LDAH: variants seen among roughly 807,000 people sequenced by gnomAD.
The protein encoded by LDAH is lipid droplet associated hydrolase.
A neutral mutation model predicts 29.6 loss-of-function variants in LDAH; 26 were observed. The observed-to-expected ratio is 0.88, with a 90% CI of 0.64 to 1.22. The LOEUF (loss-of-function observed/expected upper bound fraction) is 1.22, where lower values mean the gene tolerates loss of function less well. Ranked by LOEUF, LDAH falls within the 50% of genes most tolerant of loss-of-function variation. The pLI is 0.00. For missense variants in LDAH, 344 were observed against 387.3 expected (o/e 0.89, Z 0.94); for synonymous variants, 117 against 133.0 (o/e 0.88, Z 0.83).
chr2:20,705,914 T>C (rs2149362054), intron 5 of LDAH, among the ~76,000 whole-genome samples: 1 of 152,350 alleles, frequency 6.6e-6, no homozygotes, highest in Non-Finnish European at 1.5e-5. Context: ...TCTAGAGTAG[T>C]GCTATGCAAT....
At chr2:20,693,795 G>A (rs1038750898) in intron 6 of LDAH, among the ~76,000 whole-genome samples, 2 of 152,226 alleles carry the variant, frequency 1.3e-5, no homozygotes, top group Non-Finnish European at 2.9e-5. Context: ...AATGCCCACC[G>A]CTTTTCTGAG....
chr2:20,754,500 C>CA (rs61076745), intron 4 of LDAH, among the ~76,000 whole-genome samples: 1,242 of 77,414 alleles, frequency 0.016, 31 homozygotes, highest in East Asian at 0.032. Context: ...ACCCTCGCCA[C>CA]AAAAAAAAAA....
At chr2:20,808,778 A>G (rs1672267241) in intron 1 of LDAH, among the ~76,000 whole-genome samples, 1 of 152,208 alleles carries the variant, frequency 6.6e-6, no homozygotes, top group Non-Finnish European at 1.5e-5. Context: ...CATAGACAAA[A>G]CAGTGGACAA....
chr2:20,716,805 A>G (rs566455255), intron 5 of LDAH, among the ~76,000 whole-genome samples: 4 of 140,608 alleles, frequency 2.8e-5, no homozygotes, highest in African/African-American at 1.0e-4. Flanking sequence ...GTCTAAAGCC[A>G]CACAAAATGG....
At position 20,785,870 on chromosome 2, in the gene LDAH, T is replaced by C. The variant is rs562657484; in HGVS notation, c.298+4385A>G. Among the ~76,000 whole-genome samples the C allele has an allele frequency of 7.9e-5, 12 of 152,328 alleles. No individual in the cohort carries two copies. The South Asian group carries it at 2.5e-3, about 32-fold the overall frequency. On this transcript the variant is annotated intron_variant, in intron 3 of 6. Coordinates refer to ENST00000237822, the MANE Select transcript of LDAH (RefSeq NM_021925.4). Reference sequence around the variant, plus strand: ...TCTAATATTTCCTTTTGATTCTTTCTTAAGAGTTCCCTACTGTCTGCTTGC... The same window carrying C: ...TCTAATATTTCCTTTTGATTCTTTCCTAAGAGTTCCCTACTGTCTGCTTGC...
At chr2:20,721,359 C>T (rs1324481662) in intron 5 of LDAH, among the ~76,000 whole-genome samples, 1 of 151,958 alleles carries the variant, frequency 6.6e-6, no homozygotes, top group African/African-American at 2.4e-5. Context: ...TACAAATGGC[C>T]AACAAGTACA....
At chr2:20,719,771 T>C (rs185658206) in intron 5 of LDAH, among the ~76,000 whole-genome samples, 1 of 152,128 alleles carries the variant, frequency 6.6e-6, no homozygotes, top group East Asian at 1.9e-4. Context: ...AAGATCACCA[T>C]GATCATGTGG....
intron 5 of LDAH, among the ~76,000 whole-genome samples, chr2:20,734,888 G>T (rs1666671088): frequency 6.6e-6 from 1 of 152,084 alleles, no homozygotes; most frequent in African/African-American, 2.4e-5. Context: ...TTTCCTGAAA[G>T]ACACTTTTGC....
At chr2:20,708,509 G>C (rs1264038406) in intron 5 of LDAH, among the ~76,000 whole-genome samples, 1 of 152,168 alleles carries the variant, frequency 6.6e-6, no homozygotes, top group Non-Finnish European at 1.5e-5. Flanking sequence ...TGCATGCAAT[G>C]CAAGAAAATA....
At position 20,686,671 on chromosome 2, in the gene LDAH, G is replaced by T. The variant is rs910283321; in HGVS notation, c.*232C>A. The T allele has an allele frequency of 2.5e-5, 10 of 401,440 alleles. No homozygotes were observed. The highest frequency in any genetic ancestry group is 4.5e-5 in the Non-Finnish European group (10 of 222,946). 24.9% of individuals were successfully genotyped at this position (401,440 alleles called of 1,614,324 possible). A position where few individuals can be genotyped will look rare whatever the true frequency, so the allele number is the denominator to read the frequency against. ...TTGTGCAAACACAAGACTCTGTGTA[G>T]ATCACTGTGTTCCCTGAGTCTTGGA... On this transcript the variant is annotated 3_prime_UTR_variant, in exon 7 of 7. Transcript: ENST00000237822.
chr2:20,687,219 G>C, intron 6 of LDAH, 125 bp from the exon 7 acceptor site: 1 of 675,906 alleles, frequency 1.5e-6, no homozygotes. Flanking sequence ...TAGTCCCTAA[G>C]CTCTCTCCAG....
At chr2:20,757,573 A>G (rs547209775) in intron 4 of LDAH, among the ~76,000 whole-genome samples, 1 of 152,332 alleles carries the variant, frequency 6.6e-6, no homozygotes, top group South Asian at 2.1e-4. Context: ...TTTACATGTC[A>G]GCTTGACTGG....
intron 2 of LDAH, 150 bp downstream of exon 2, chr2:20,801,159 CA>C: frequency 1.4e-6 from 1 of 723,562 alleles, no homozygotes; most frequent in Non-Finnish European, 2.2e-6. Context: ...ATCCAGACGT[CA>C]AAATATTAAG....
chr2:20,684,586 G>A lies in LDAH; in HGVS notation c.*2317C>T, dbSNP rs1408181287. The A allele has an allele frequency of 3.9e-6, 1 of 254,442 alleles. No individual in the cohort carries two copies. The highest frequency in any genetic ancestry group is 2.2e-5 in the African/African-American group (1 of 45,182). The allele number at this position is 254,442 out of a possible 1,614,324, so 15.8% of individuals were successfully genotyped here. On this transcript the variant is annotated 3_prime_UTR_variant, in exon 7 of 7. Coordinates refer to ENST00000237822, the MANE Select transcript of LDAH (RefSeq NM_021925.4). ...AGGATGAAGAAAAATCAAGCCTTTG[G>A]TGGTCCGTGTCTCTCCAAAGGTTGA...
intron 5 of LDAH, among the ~76,000 whole-genome samples, chr2:20,739,314 T>A (rs1667017397): frequency 6.6e-6 from 1 of 152,228 alleles, no homozygotes; most frequent in South Asian, 2.1e-4. Flanking sequence ...GGAGTATTGT[T>A]ATCCCCACAT....
chr2:20,816,165 T>A (rs757356527), intron 1 of LDAH, among the ~76,000 whole-genome samples: 1 of 151,894 alleles, frequency 6.6e-6, no homozygotes, highest in Non-Finnish European at 1.5e-5. Flanking sequence ...TCAAATAGAA[T>A]TCTGAAAATA....
At chr2:20,757,786 G>C (rs959860793) in intron 4 of LDAH, among the ~76,000 whole-genome samples, 2 of 152,028 alleles carry the variant, frequency 1.3e-5, no homozygotes, top group Admixed American at 6.6e-5. Context: ...CTTCAAGCTA[G>C]GACTTTTTTT....
At chr2:20,741,964 T>C (rs1275825570) in intron 4 of LDAH, among the ~76,000 whole-genome samples, 1 of 152,226 alleles carries the variant, frequency 6.6e-6, no homozygotes, top group Non-Finnish European at 1.5e-5. Flanking sequence ...AATTTTATTT[T>C]ATGGCACGAT....
intron 4 of LDAH, among the ~76,000 whole-genome samples, chr2:20,743,618 T>C (rs1157001016): frequency 1.3e-5 from 2 of 152,134 alleles, no homozygotes; most frequent in Non-Finnish European, 2.9e-5. Context: ...TTAGATCAAT[T>C]AAGAATAAGA....
Sources: allele counts gnomAD v4.1 joint callset (sites outside exome capture counted in the v4.1 genomes callset), GRCh38; gene constraint gnomAD v4.1.1; transcripts MANE v1.5; gene names NCBI Gene and HGNC (gene_info 2026-07-23, HGNC 2026-07-21).